Variants in CCND1 observed in about 807,000 individuals in gnomAD.
CCND1 encodes G1/S-specific cyclin-D1.
A neutral mutation model predicts 26.1 loss-of-function variants in CCND1; 9 were observed. The ratio of observed to expected loss-of-function variants is 0.35; its 90% confidence interval spans 0.21 to 0.60. The LOEUF (loss-of-function observed/expected upper bound fraction) is 0.60. Ranked by LOEUF, CCND1 falls within the 20% of genes least tolerant of loss-of-function variation. The probability of loss-of-function intolerance (pLI) is 0.79; values close to 1 mark genes in which losing one functional copy is unlikely to be tolerated. For missense variants in CCND1, 335 were observed against 392.9 expected (o/e 0.85, Z 1.25); for synonymous variants, 194 against 166.1 (o/e 1.17, Z -1.29).
rs377373695 is a variant in CCND1 at position 69,653,017 on chromosome 11, C to T, written c.*1735C>T. ...AAGTTCGGTTCCGATGAATTCTTAT[C>T]CCCTGCCCCTTCCTTTAAAAAACTT... On this transcript the variant is annotated 3_prime_UTR_variant, in exon 5 of 5. Coordinates refer to ENST00000227507, the MANE Select transcript of CCND1 (RefSeq NM_053056.3). 1 of 472,364 alleles carries T rather than the reference C, an allele frequency of 2.1e-6. No homozygotes were observed. The highest frequency in any genetic ancestry group is 3.7e-6 in the Non-Finnish European group (1 of 268,564). 29.3% of individuals were successfully genotyped at this position (472,364 alleles called of 1,614,324 possible).
chr11:69,641,552 C>G (rs748679044), intron 1 of CCND1, 41 bp downstream of exon 1: 1 of 1,593,426 alleles, frequency 6.3e-7, no homozygotes, highest in Non-Finnish European at 8.6e-7. Flanking sequence ...TTCCCTGCAA[C>G]TTGTTGCCCA....
intron 4 of CCND1, among the ~76,000 whole-genome samples, chr11:69,649,773 A>T (rs1855832032): frequency 6.6e-6 from 1 of 152,040 alleles, no homozygotes; most frequent in South Asian, 2.1e-4. Flanking sequence ...TGGGCGAGGG[A>T]CGGGCCGCAG....
intron 1 of CCND1, 50 bp downstream of exon 1, chr11:69,641,561 C>G (rs1401098596): frequency 6.4e-7 from 1 of 1,566,222 alleles, no homozygotes; most frequent in East Asian, 2.3e-5. Flanking sequence ...ACTTGTTGCC[C>G]AGACCCACGT....
At position 69,648,113 on chromosome 11, in the gene CCND1, T is replaced by C. The variant is rs2120109901; in HGVS notation, c.694T>C (p.Phe232Leu). 1.2e-6 allele frequency: 2 copies of C among 1,613,906 alleles called. No individual in the cohort carries two copies. Among genetic ancestry groups the C allele is most frequent in the Non-Finnish European group, 1.7e-6 (2 of 1,180,008 alleles). The part of the protein sequence containing the change: ...NFLSYYRLTR[F>L]LSRVIKCDPD... The stretch of plus-strand genomic sequence containing the variant: ...CCTGTCCTACTACCGCCTCACACGC[T>C]TCCTCTCCAGAGTGATCAAGTGTGA... The change falls in exon 4 of 5, where the codon TTC (phenylalanine) becomes CTC (leucine). Residue 232 changes from phenylalanine (F) to leucine (L), a missense_variant. Phe to Leu is a conservative substitution (Grantham distance 22, BLOSUM62 0). Transcript: ENST00000227507.
rs538149856 is a variant in CCND1, at chr11:69,652,337, G to C, written c.*1055G>C. 158 of 233,596 alleles carry C rather than the reference G, an allele frequency of 6.8e-4. 3 individuals are homozygous for C. The South Asian group carries it at 0.027, about 39-fold the overall frequency. The allele number at this position is 233,596 out of a possible 1,614,324, so 14.5% of individuals were successfully genotyped here. A position where few individuals can be genotyped will look rare whatever the true frequency, so the allele number is the denominator to read the frequency against. The stretch of plus-strand genomic sequence containing the variant: ...AGGTGTAGGAAATAGCGCTGTTTTT[G>C]TTGTGTGTGCAGGGAGGGCAGTTTT... On this transcript the variant is annotated 3_prime_UTR_variant, in exon 5 of 5. Transcript: ENST00000227507.
chr11:69,641,582 C>G, intron 1 of CCND1, 71 bp downstream of exon 1: 1 of 1,381,574 alleles, frequency 7.2e-7, no homozygotes, highest in Non-Finnish European at 1.0e-6. Flanking sequence ...TTCTTTGCTA[C>G]TCACCCCCCT....
intron 1 of CCND1, among the ~76,000 whole-genome samples, chr11:69,642,679 C>T (rs1565224862): frequency 1.3e-5 from 2 of 152,140 alleles, no homozygotes; most frequent in Non-Finnish European, 2.9e-5. Flanking sequence ...CGTTCCGCGG[C>T]CCCGCACCCC....
At chr11:69,644,571 G>A (rs888921596) in intron 3 of CCND1, among the ~76,000 whole-genome samples, 1 of 152,216 alleles carries the variant, frequency 6.6e-6, no homozygotes, top group African/African-American at 2.4e-5. Context: ...GCTCAGCTGA[G>A]CCCTGAGGGG....
In CCND1 at chr11:69,653,831, G is replaced by C. The variant is rs1855887698; in HGVS notation, c.*2549G>C. 1 of 342,106 alleles carries C rather than the reference G, an allele frequency of 2.9e-6. No homozygotes were observed. Among genetic ancestry groups the C allele is most frequent in the African/African-American group, 2.0e-5 (1 of 49,214 alleles). 21.2% of individuals were successfully genotyped at this position (342,106 alleles called of 1,614,324 possible). ...TGCCACCACGGCGTTGTACCTGTAG[G>C]ACTCTCATTCGGGATGATTGGAATA... On this transcript the variant is annotated 3_prime_UTR_variant, in exon 5 of 5. Coordinates refer to ENST00000227507, the MANE Select transcript of CCND1 (RefSeq NM_053056.3).
intron 3 of CCND1, among the ~76,000 whole-genome samples, chr11:69,644,869 C>T (rs1289472046): frequency 6.6e-6 from 1 of 152,240 alleles, no homozygotes; most frequent in Non-Finnish European, 1.5e-5. Context: ...TTGGTCAAGC[C>T]TCAGTTGTCA....
At position 69,651,885 on chromosome 11, in the gene CCND1, GTTA is replaced by G. The variant is rs776194489; in HGVS notation, c.*608_*610del. ...GTAGTCACTTTATAAGTCATTGTAT[GTTA>G]TTATATTCCGTAGGTAGATGTGTAA... On this transcript the variant is annotated 3_prime_UTR_variant, in exon 5 of 5. Coordinates refer to ENST00000227507, the MANE Select transcript of CCND1 (RefSeq NM_053056.3). 1.3e-5 allele frequency: 3 copies of G among 232,948 alleles called. No individual in the cohort carries two copies. Among genetic ancestry groups the G allele is most frequent in the South Asian group, 1.8e-4 (1 of 5,534 alleles). 14.4% of individuals were successfully genotyped at this position (232,948 alleles called of 1,614,324 possible). A position where few individuals can be genotyped will look rare whatever the true frequency, so the allele number is the denominator to read the frequency against.
At position 69,653,142 on chromosome 11, in the gene CCND1, T is replaced by G. The variant is rs939020900; in HGVS notation, c.*1860T>G. 13 of 592,638 alleles carry G rather than the reference T, an allele frequency of 2.2e-5. No individual in the cohort carries two copies. Among genetic ancestry groups the G allele is most frequent in the Non-Finnish European group, 3.6e-5 (12 of 334,990 alleles). 36.7% of individuals were successfully genotyped at this position (592,638 alleles called of 1,614,324 possible). On this transcript the variant is annotated 3_prime_UTR_variant, in exon 5 of 5. Transcript: ENST00000227507. ...GGTGGCAAGAGTGTGGAGGCTGACG[T>G]GTGAGGGAGGACAGGCGGGAGGAGG...
intron 4 of CCND1, chr11:69,648,373 G>T (rs1014703747): frequency 1.8e-6 from 1 of 550,960 alleles, no homozygotes; most frequent in Non-Finnish European, 3.2e-6. Flanking sequence ...CGTCCCCTGG[G>T]GCTTCCAGGA....
chr11:69,646,501 G>T (rs1380130686), intron 3 of CCND1, among the ~76,000 whole-genome samples: 1 of 152,102 alleles, frequency 6.6e-6, no homozygotes, highest in East Asian at 1.9e-4. Flanking sequence ...TTTGTGCCTG[G>T]GTCGGCTCCC....
At chr11:69,646,638 G>C (rs899635677) in intron 3 of CCND1, among the ~76,000 whole-genome samples, 7 of 152,186 alleles carry the variant, frequency 4.6e-5, no homozygotes, top group Non-Finnish European at 8.8e-5. Context: ...CCTGGTTCCT[G>C]TGCAGAATTC....
chr11:69,642,623 G>A (rs1855721924), intron 1 of CCND1, among the ~76,000 whole-genome samples: 2 of 152,024 alleles, frequency 1.3e-5, no homozygotes, highest in Admixed American at 1.3e-4. Flanking sequence ...GGCGGCCTGG[G>A]ACGCCACCTT....
At position 69,643,912 on chromosome 11, in the gene CCND1, C is replaced by T. The variant is rs1236073179; in HGVS notation, c.495C>T (p.Leu165=). Residue 165 remains leucine (L), a synonymous_variant, in exon 3 of 5, where the codon CTC becomes CTT. Coordinates refer to ENST00000227507, the MANE Select transcript of CCND1 (RefSeq NM_053056.3). ...MTPHDFIEHF[L]SKMPEAEENK... ...CGCACGATTTCATTGAACACTTCCT[C>T]TCCAAAATGCCAGAGGCGGAGGAGA... The T allele has an allele frequency of 6.2e-7, 1 of 1,613,604 alleles. No homozygotes were observed. Among genetic ancestry groups the T allele is most frequent in the South Asian group, 1.1e-5 (1 of 91,096 alleles).
Position 69,652,779 on chromosome 11 carries a change from T to TAC in CCND1, c.*1521_*1522dup, listed in dbSNP as rs10640302. 0.68 allele frequency: 155,119 copies of TAC among 227,154 alleles called. 48,016 individuals are homozygous for TAC. Among genetic ancestry groups the TAC allele is most frequent in the South Asian group, 0.82 (4,420 of 5,394 alleles). 14.1% of individuals were successfully genotyped at this position (227,154 alleles called of 1,614,324 possible). ...TCTCCCCTTGATTTAAACACACAGA[T>TAC]ACACACACACACACACACACACACA... On this transcript the variant is annotated 3_prime_UTR_variant, in exon 5 of 5. Coordinates refer to ENST00000227507, the MANE Select transcript of CCND1 (RefSeq NM_053056.3).
rs140469724 is a variant in CCND1, at chr11:69,652,105, G to C, written c.*823G>C. The C allele has an allele frequency of 1.1e-4, 25 of 233,390 alleles. No homozygotes were observed. In the East Asian group the frequency reaches 1.5e-3, roughly 14 times the overall value. 14.5% of individuals were successfully genotyped at this position (233,390 alleles called of 1,614,324 possible). A position where few individuals can be genotyped will look rare whatever the true frequency, so the allele number is the denominator to read the frequency against. On this transcript the variant is annotated 3_prime_UTR_variant, in exon 5 of 5. Transcript: ENST00000227507. ...GCCACCTGTCCCACTCCTACGATAC[G>C]CTACTATAAAGAGAAGACGAAATAG...
Sources: allele counts gnomAD v4.1 joint callset (sites outside exome capture counted in the v4.1 genomes callset), GRCh38; gene constraint gnomAD v4.1.1; transcripts MANE v1.5; gene names NCBI Gene and HGNC (gene_info 2026-07-23, HGNC 2026-07-21).